Variants in SDK1 observed in about 807,000 individuals in gnomAD.
The protein encoded by SDK1 is protein sidekick-1.
A neutral mutation model predicts 245.5 loss-of-function variants in SDK1; 157 were observed. The observed-to-expected ratio is 0.64, with a 90% CI of 0.56 to 0.73. The LOEUF is 0.73. Among genes scored for constraint, SDK1 ranks in the 30% least tolerant of loss-of-function variants. The pLI is 0.00. For synonymous variants in SDK1, 1,647 were observed against 1,278.5 expected, an observed-to-expected ratio of 1.29 and a Z score of -6.15; for missense variants, 3,583 against 3,002.3, an observed-to-expected ratio of 1.19 and a Z score of -4.52.
intron 19 of SDK1, among the ~76,000 whole-genome samples, chr7:4,059,007 A>T (rs1779373545): frequency 6.6e-6 from 1 of 152,206 alleles, no homozygotes; most frequent in Admixed American, 6.5e-5. Context: ...ATAAACAATG[A>T]GAGAGAAAGA....
intron 5 of SDK1, among the ~76,000 whole-genome samples, chr7:3,897,430 G>C (rs1040225441): frequency 6.6e-6 from 1 of 152,058 alleles, no homozygotes; most frequent in African/African-American, 2.4e-5. Context: ...TACTCTAGAG[G>C]CCTCATATAA....
intron 20 of SDK1, among the ~76,000 whole-genome samples, chr7:4,069,081 CA>C (rs561620742): frequency 1.4e-4 from 21 of 149,674 alleles, no homozygotes; most frequent in Admixed American, 4.0e-4. Context: ...AATCTTAGTT[CA>C]AAAAAAAAAT....
At chr7:3,778,479 C>T (rs952665184) in intron 4 of SDK1, among the ~76,000 whole-genome samples, 2 of 152,216 alleles carry the variant, frequency 1.3e-5, no homozygotes, top group Admixed American at 6.5e-5. Flanking sequence ...CTTTTTACAT[C>T]TGGCAAATAG....
At chr7:4,218,048 A>C (rs2128230805) in intron 38 of SDK1, among the ~76,000 whole-genome samples, 1 of 152,348 alleles carries the variant, frequency 6.6e-6, no homozygotes, top group African/African-American at 2.4e-5. Context: ...ATGGAAGGTC[A>C]GTGCTCACAC....
intron 5 of SDK1, among the ~76,000 whole-genome samples, chr7:3,942,400 TC>T (rs746458605): frequency 2.6e-5 from 4 of 152,144 alleles, no homozygotes; most frequent in African/African-American, 4.8e-5. Flanking sequence ...TTGAGAGGGA[TC>T]CCTTCATCTT....
At chr7:3,978,450 C>T (rs1054271908) in intron 13 of SDK1, among the ~76,000 whole-genome samples, 1 of 152,202 alleles carries the variant, frequency 6.6e-6, no homozygotes, top group African/African-American at 2.4e-5. Flanking sequence ...ATATAGAAAT[C>T]TCTGCAAATT....
intron 3 of SDK1, among the ~76,000 whole-genome samples, chr7:3,641,093 A>T (rs933796832): frequency 3.3e-5 from 5 of 151,792 alleles, no homozygotes; most frequent in African/African-American, 1.2e-4. Flanking sequence ...GGTTTGTTTC[A>T]TCTTTTCCCT....
chr7:3,358,091 G>A (rs1780854678), intron 1 of SDK1, among the ~76,000 whole-genome samples: 1 of 151,868 alleles, frequency 6.6e-6, no homozygotes, highest in South Asian at 2.1e-4. Context: ...ACAGGATCTC[G>A]GCTCACTGCA....
At chr7:3,941,041 C>A (rs1249976093) in intron 5 of SDK1, among the ~76,000 whole-genome samples, 1 of 151,938 alleles carries the variant, frequency 6.6e-6, no homozygotes, top group Non-Finnish European at 1.5e-5. Flanking sequence ...TCCTGACCCA[C>A]CAGCACTGCC....
At chr7:4,138,080 A>C (rs4236342) in intron 28 of SDK1, among the ~76,000 whole-genome samples, 68,265 of 152,060 alleles carry the variant, frequency 0.45, 16,972 homozygotes, top group East Asian at 0.86. Flanking sequence ...AGGAAGGTAC[A>C]AATAGAACAC....
intron 4 of SDK1, among the ~76,000 whole-genome samples, chr7:3,682,594 C>G (rs974711946): frequency 1.3e-4 from 1 of 7,724 alleles, no homozygotes; most frequent in African/African-American, 4.7e-4. Flanking sequence ...CTGGCCTCTC[C>G]TTCCTGTGTT....
chr7:3,463,582 G>T (rs1045737551), intron 1 of SDK1, among the ~76,000 whole-genome samples: 1 of 149,902 alleles, frequency 6.7e-6, no homozygotes. Context: ...TGGGATCATG[G>T]CTTTCACTAC....
At chr7:3,496,502 A>C (rs556104143) in intron 1 of SDK1, among the ~76,000 whole-genome samples, 73 of 147,886 alleles carry the variant, frequency 4.9e-4, no homozygotes, top group African/African-American at 1.7e-3. Context: ...TATGTACTTT[A>C]TCTTATTTTG....
intron 1 of SDK1, among the ~76,000 whole-genome samples, chr7:3,565,502 T>A (rs1779882792): frequency 6.6e-6 from 1 of 152,210 alleles, no homozygotes; most frequent in African/African-American, 2.4e-5. Context: ...GATAAAATTG[T>A]CATTACTTAT....
At chr7:3,829,277 A>G (rs1339775002) in intron 5 of SDK1, among the ~76,000 whole-genome samples, 1 of 152,214 alleles carries the variant, frequency 6.6e-6, no homozygotes, top group Non-Finnish European at 1.5e-5. Context: ...ATCTAGGAAC[A>G]ACAACTGTTT....
At chr7:3,475,134 C>G (rs1387882503) in intron 1 of SDK1, among the ~76,000 whole-genome samples, 4 of 152,186 alleles carry the variant, frequency 2.6e-5, no homozygotes, top group Admixed American at 1.3e-4. Flanking sequence ...ATTCCTTCCC[C>G]TTGTTCCATT....
intron 1 of SDK1, among the ~76,000 whole-genome samples, chr7:3,607,784 GACA>G (rs1247228043): frequency 1.3e-5 from 2 of 152,220 alleles, no homozygotes; most frequent in Non-Finnish European, 1.5e-5. Context: ...TTCATTCTGT[GACA>G]ACATGTTTTA....
intron 1 of SDK1, among the ~76,000 whole-genome samples, chr7:3,385,097 G>A (rs987869281): frequency 4.6e-5 from 7 of 152,142 alleles, no homozygotes; most frequent in African/African-American, 1.7e-4. Context: ...AGAGGGAAAA[G>A]ACCCTGAATT....
intron 1 of SDK1, among the ~76,000 whole-genome samples, chr7:3,457,020 C>G (rs973500147): frequency 6.6e-6 from 1 of 152,142 alleles, no homozygotes; most frequent in Non-Finnish European, 1.5e-5. Flanking sequence ...CAAGGTGCTT[C>G]CGCAGTCCTG....
Sources: gnomAD v4.1 joint callset for allele counts (sites outside exome capture counted in the v4.1 genomes callset) on GRCh38, gnomAD v4.1.1 for gene constraint, MANE v1.5 for transcripts, NCBI Gene and HGNC (gene_info 2026-07-23, HGNC 2026-07-21) for gene names.